TMEM132C: variants seen among roughly 807,000 people sequenced by gnomAD.
The protein encoded by TMEM132C is protein phosphatase 1, regulatory subunit 152.
In TMEM132C, 29 loss-of-function variants were observed where a neutral mutation model predicts 61.4. The observed-to-expected ratio is 0.47, with a 90% CI of 0.35 to 0.64. The LOEUF is 0.64. Ranked by LOEUF, TMEM132C falls within the 30% of genes least tolerant of loss-of-function variation. The pLI, the probability that TMEM132C is intolerant of heterozygous loss-of-function variation, is 0.00. For missense variants in TMEM132C, 1,408 were observed against 1,476.9 expected, an observed-to-expected ratio of 0.95 and a Z score of 0.76; for synonymous variants, 656 against 633.1, an observed-to-expected ratio of 1.04 and a Z score of -0.54.
intron 1 of TMEM132C, among the ~76,000 whole-genome samples, chr12:128,358,493 T>TTTGTG (rs1555220207): frequency 1.4e-5 from 2 of 144,900 alleles, no homozygotes; most frequent in Admixed American, 6.9e-5. Context: ...ACTTTTAAAA[T>TTTGTG]TGTGTGTGTG....
At chr12:128,337,465 A>T (rs1475395374) in intron 1 of TMEM132C, among the ~76,000 whole-genome samples, 1 of 152,224 alleles carries the variant, frequency 6.6e-6, no homozygotes, top group African/African-American at 2.4e-5. Context: ...TTGTGATCGC[A>T]TTCCTACCTT....
At position 128,388,577 on chromosome 12, in the gene TMEM132C, G is replaced by A. The variant is rs1366128605; in HGVS notation, c.86-26155G>A. Among the ~76,000 whole-genome samples, 8 of 152,162 alleles carry A rather than the reference G, an allele frequency of 5.3e-5. 1 individual carries two copies. Among genetic ancestry groups the A allele is most frequent in the Non-Finnish European group, 1.2e-4 (8 of 68,032 alleles). ...GCTTCCCTGGAGAAGGTGTCGCTGAGTCTGAGCTCCGCAGCCTCTGACCAG... is the reference window on the plus strand; with the variant it reads ...GCTTCCCTGGAGAAGGTGTCGCTGAATCTGAGCTCCGCAGCCTCTGACCAG... On this transcript the variant is annotated intron_variant, in intron 1 of 8. Transcript: ENST00000435159.
chr12:128,530,427 C>T (rs994662197), intron 2 of TMEM132C, among the ~76,000 whole-genome samples: 4 of 151,898 alleles, frequency 2.6e-5, no homozygotes, highest in African/African-American at 9.7e-5. Context: ...TGAGAGCACA[C>T]ATCCAATAGC....
Position 128,309,864 on chromosome 12 carries a change from T to C in TMEM132C, c.85+42377T>C, listed in dbSNP as rs371345897. ...GATTCCCCTGCCTCAGCCTCCTGAG[T>C]AGCTGGGATTACAGGTGCCCGCCAC... On this transcript the variant is annotated intron_variant, in intron 1 of 8. Transcript: ENST00000435159. Among the ~76,000 whole-genome samples, 10 of 152,158 alleles carry C rather than the reference T, an allele frequency of 6.6e-5. No individual in the cohort carries two copies. In the East Asian group the frequency reaches 1.5e-3, roughly 24 times the overall value.
rs552038399 is a variant in TMEM132C at position 128,457,246 on chromosome 12, C to T, written c.974+41626C>T. ...TTACACCACTTGGCACTACCACCAA[C>T]ATTATTTGAGAGTTTTGATTGCAGC... On this transcript the variant is annotated intron_variant, in intron 2 of 8. Transcript: ENST00000435159. Among the ~76,000 whole-genome samples, 4 of 148,842 alleles carry T rather than the reference C, an allele frequency of 2.7e-5. No homozygotes were observed. The East Asian group carries it at 5.9e-4, about 22-fold the overall frequency.
intron 1 of TMEM132C, among the ~76,000 whole-genome samples, chr12:128,365,888 G>T (rs926031259): frequency 6.6e-6 from 1 of 152,178 alleles, no homozygotes; most frequent in African/African-American, 2.4e-5. Context: ...AGCCCTCCCC[G>T]GGAAGGCTGT....
At chr12:128,547,760 T>C (rs1187321016) in intron 3 of TMEM132C, among the ~76,000 whole-genome samples, 5 of 152,226 alleles carry the variant, frequency 3.3e-5, no homozygotes, top group Non-Finnish European at 7.4e-5. Flanking sequence ...GGTCAGCCCA[T>C]GGAGAGGCTG....
chr12:128,275,212 T>C (rs887934734), intron 1 of TMEM132C, among the ~76,000 whole-genome samples: 1 of 152,186 alleles, frequency 6.6e-6, no homozygotes, highest in African/African-American at 2.4e-5. Flanking sequence ...TATTAGGAAC[T>C]AGGCTGCAGA....
In TMEM132C at chr12:128,326,591, T is replaced by C. The variant is rs1043215835; in HGVS notation, c.85+59104T>C. 1.3e-5 allele frequency among the ~76,000 whole-genome samples: 2 copies of C among 152,022 alleles called. No individual in the cohort carries two copies. Among genetic ancestry groups the C allele is most frequent in the African/African-American group, 4.8e-5 (2 of 41,368 alleles). Reference sequence around the variant, plus strand: ...GAACAGTAGCCCCAGGAAAAGAAAATGTGCTTGGAGACAGCTCCTGCAAAG... The same window carrying C: ...GAACAGTAGCCCCAGGAAAAGAAAACGTGCTTGGAGACAGCTCCTGCAAAG... On this transcript the variant is annotated intron_variant, in intron 1 of 8. Coordinates refer to ENST00000435159, the MANE Select transcript of TMEM132C (RefSeq NM_001136103.3). This position sits in a 1 kb window ranked among gnomAD's most constrained non-coding sequence, Gnocchi z 5.6.
intron 1 of TMEM132C, 80 bp downstream of exon 1, chr12:128,267,567 A>C: frequency 1.8e-6 from 2 of 1,099,984 alleles, no homozygotes; most frequent in Non-Finnish European, 2.3e-6. Flanking sequence ...AGGGCAGCCG[A>C]AGCGAGGGGT....
chr12:128,448,528 G>A (rs1232326446), intron 2 of TMEM132C, among the ~76,000 whole-genome samples: 1 of 152,126 alleles, frequency 6.6e-6, no homozygotes, highest in Non-Finnish European at 1.5e-5. Context: ...GGAAGTCCCA[G>A]GGCTCCAAGA....
At chr12:128,651,164 TC>T (rs1954265806) in intron 4 of TMEM132C, among the ~76,000 whole-genome samples, 1 of 152,214 alleles carries the variant, frequency 6.6e-6, no homozygotes, top group African/African-American at 2.4e-5. Flanking sequence ...GGGTAACAAC[TC>T]CTGGATCTCC....
At chr12:128,600,226 C>T (rs1876132433) in intron 3 of TMEM132C, among the ~76,000 whole-genome samples, 2 of 152,140 alleles carry the variant, frequency 1.3e-5, no homozygotes, top group Non-Finnish European at 2.9e-5. Context: ...TTGTGATCTG[C>T]CCACCTCGGC....
chr12:128,459,620 G>T (rs1006860257), intron 2 of TMEM132C, among the ~76,000 whole-genome samples: 1 of 152,086 alleles, frequency 6.6e-6, no homozygotes, highest in East Asian at 1.9e-4. Context: ...GGCCAGGCGC[G>T]GTGGCTCACA....
chr12:128,315,202 C>T (rs985499627), intron 1 of TMEM132C, among the ~76,000 whole-genome samples: 6 of 152,122 alleles, frequency 3.9e-5, no homozygotes, highest in Admixed American at 2.0e-4. Context: ...TGTGAAAGTC[C>T]GAGGTACAAG....
chr12:128,674,557 A>G (rs1267405397), intron 5 of TMEM132C, among the ~76,000 whole-genome samples: 1 of 152,076 alleles, frequency 6.6e-6, no homozygotes, highest in Non-Finnish European at 1.5e-5. Context: ...TGGCTATACC[A>G]TTTTGCATTC....
chr12:128,270,515 T>C (rs75885809), intron 1 of TMEM132C, among the ~76,000 whole-genome samples: 9,435 of 152,160 alleles, frequency 0.062, 784 homozygotes, highest in African/African-American at 0.18. Flanking sequence ...AACCTTGGGA[T>C]TGTCAGTGCT....
chr12:128,549,672 C>T (rs1008434066), intron 3 of TMEM132C, among the ~76,000 whole-genome samples: 20 of 152,098 alleles, frequency 1.3e-4, no homozygotes, highest in African/African-American at 4.6e-4. Flanking sequence ...TGAACCGTGT[C>T]GTGCTCAGCA....
intron 2 of TMEM132C, among the ~76,000 whole-genome samples, chr12:128,479,728 C>A (rs927444381): frequency 2.6e-5 from 4 of 152,186 alleles, no homozygotes; most frequent in Non-Finnish European, 4.4e-5. Flanking sequence ...TGGACCCGGG[C>A]CCCAGCTCTG....
Sources: gnomAD v4.1 joint callset for allele counts (sites outside exome capture counted in the v4.1 genomes callset) on GRCh38, gnomAD v4.1.1 for gene constraint, Gnocchi (gnomAD v3.1) non-coding constraint, MANE v1.5 for transcripts, NCBI Gene and HGNC (gene_info 2026-07-23, HGNC 2026-07-21) for gene names.